Variants in KLHL4 observed in about 807,000 individuals in gnomAD.
KLHL4 encodes the protein kelch-like protein 4.
KLHL4 carries 17 observed loss-of-function variants against 45.8 expected under a neutral mutation model. That is an observed-to-expected ratio of 0.37 (90% confidence interval 0.25 to 0.56). The LOEUF is 0.56. Ranked by LOEUF, KLHL4 falls within the 20% of genes least tolerant of loss-of-function variation. KLHL4 has a pLI of 0.79. For synonymous variants in KLHL4, 224 were observed against 189.9 expected (o/e 1.18, Z -1.47); for missense variants, 544 against 544.9 (o/e 1.00, Z 0.02).
chrX:87,555,396 G>T (rs929185476), intron 1 of KLHL4, among the ~76,000 whole-genome samples: 1 of 111,088 alleles, frequency 9.0e-6, no homozygotes, highest in African/African-American at 3.3e-5. Context: ...CAATTTCAGA[G>T]CTTGTTATTG....
At chrX:87,549,998 C>T (rs2147778089) in intron 1 of KLHL4, among the ~76,000 whole-genome samples, 1 of 111,157 alleles carries the variant, frequency 9.0e-6, no homozygotes, top group South Asian at 3.7e-4. Context: ...AAGTTAAACA[C>T]AATTGACAAA....
At chrX:87,664,636 A>G (rs1363196133) in intron 9 of KLHL4, 128 bp from the exon 10 acceptor site, 2 of 456,693 alleles carry the variant, frequency 4.4e-6, no homozygotes, top group Admixed American at 4.6e-5. Context: ...TATCCAATCT[A>G]CATTTGATAT....
At chrX:87,627,330 C>T (rs984307868) in intron 6 of KLHL4, among the ~76,000 whole-genome samples, 25 of 107,406 alleles carry the variant, frequency 2.3e-4, no homozygotes, top group Non-Finnish European at 4.2e-4. Flanking sequence ...CTGTGGGTGA[C>T]GGGAAATGAG....
chrX:87,622,569 A>G, intron 5 of KLHL4, 146 bp downstream of exon 5: 1 of 390,674 alleles, frequency 2.6e-6, no homozygotes, highest in East Asian at 4.0e-5. Context: ...GAACATATTC[A>G]GCCATCAATT....
intron 1 of KLHL4, among the ~76,000 whole-genome samples, chrX:87,560,522 A>T (rs1932073232): frequency 9.0e-6 from 1 of 111,547 alleles, no homozygotes; most frequent in Non-Finnish European, 1.9e-5. Flanking sequence ...CCTTTTGTCA[A>T]CTTTAGGCAC....
At chrX:87,666,218 T>G (rs998463840) in intron 10 of KLHL4, among the ~76,000 whole-genome samples, 3 of 111,077 alleles carry the variant, frequency 2.7e-5, no homozygotes, top group Non-Finnish European at 5.7e-5. Flanking sequence ...GTGTAATTTT[T>G]CAAGTGAGAA....
At chrX:87,664,320 TAGAA>T (rs1181905927) in intron 9 of KLHL4, among the ~76,000 whole-genome samples, 1 of 111,814 alleles carries the variant, frequency 8.9e-6, no homozygotes, top group Non-Finnish European at 1.9e-5. Context: ...ACAGCAAAAA[TAGAA>T]AGGCAATTAT....
chrX:87,601,266 G>A (rs1163962338), intron 1 of KLHL4, among the ~76,000 whole-genome samples: 2 of 111,653 alleles, frequency 1.8e-5, no homozygotes. Context: ...AGTTACTTGA[G>A]AGATCCAAGT....
rs757409017 is a variant in KLHL4, at chrX:87,625,775, G to A, written c.1303G>A (p.Gly435Arg). 5 of 1,201,956 alleles carry A rather than the reference G, an allele frequency of 4.2e-6. No individual in the cohort carries two copies. Among genetic ancestry groups the A allele is most frequent in the Non-Finnish European group, 5.6e-6 (5 of 890,678 alleles). ...AACTGTGGGGGCACTTTATGCTGTA[G>A]GAGGCATGGATGCTATGAAAGGTAA... The part of the protein sequence containing the change: ...KSTVGALYAV[G>R]GMDAMKGTTT... The change falls in exon 6 of 11, where the codon GGA (glycine) becomes AGA (arginine). Residue 435 changes from glycine to arginine, a missense_variant. Gly to Arg is a moderately radical substitution (Grantham distance 125). Transcript: ENST00000373119.
chrX:87,522,526 G>A (rs1168700702), intron 1 of KLHL4, among the ~76,000 whole-genome samples: 9 of 111,435 alleles, frequency 8.1e-5, no homozygotes, highest in Non-Finnish European at 1.3e-4. Flanking sequence ...GTCTTCTTAC[G>A]AGGTGAAAAT....
intron 9 of KLHL4, among the ~76,000 whole-genome samples, chrX:87,660,711 G>A (rs1025489827): frequency 9.8e-5 from 11 of 112,238 alleles, no homozygotes; most frequent in Non-Finnish European, 1.1e-4. Context: ...GGGCATTGTC[G>A]CGCATGCCTG....
chrX:87,660,591 C>T (rs1602470643), intron 9 of KLHL4, among the ~76,000 whole-genome samples: 1 of 112,169 alleles, frequency 8.9e-6, no homozygotes, highest in Non-Finnish European at 1.9e-5. Context: ...ACACCTGTAA[C>T]GCCAACACTC....
At chrX:87,662,743 C>A (rs1463320513) in intron 9 of KLHL4, among the ~76,000 whole-genome samples, 1 of 109,927 alleles carries the variant, frequency 9.1e-6, no homozygotes, top group Non-Finnish European at 1.9e-5. Context: ...TCCTGGCTAA[C>A]ACGGTGAAAC....
chrX:87,541,568 G>C (rs1313528558), intron 1 of KLHL4, among the ~76,000 whole-genome samples: 2 of 109,070 alleles, frequency 1.8e-5, no homozygotes, highest in African/African-American at 3.3e-5. Context: ...TGTGAAGAAG[G>C]TGCTTGCTTC....
chrX:87,618,845 T>A (rs2147816426), intron 4 of KLHL4, among the ~76,000 whole-genome samples: 1 of 112,054 alleles, frequency 8.9e-6, no homozygotes, highest in African/African-American at 3.2e-5. Context: ...GTAACAAATT[T>A]TACTTTGGTT....
At chrX:87,639,373 T>C (rs896449093) in intron 9 of KLHL4, among the ~76,000 whole-genome samples, 8 of 111,486 alleles carry the variant, frequency 7.2e-5, no homozygotes, top group Admixed American at 2.9e-4. Flanking sequence ...ACATTCTACC[T>C]AACAACTGCA....
intron 9 of KLHL4, among the ~76,000 whole-genome samples, chrX:87,662,331 A>T (rs913883428): frequency 1.8e-5 from 2 of 112,057 alleles, no homozygotes; most frequent in Non-Finnish European, 3.8e-5. Context: ...ATTTTATGTG[A>T]TTCATAGATG....
At position 87,664,777 on chromosome X, in the gene KLHL4, G is replaced by A; in HGVS notation, c.1939G>A (p.Gly647Ser). The change falls in exon 10 of 11, where the codon GGT becomes AGT. Residue 647 changes from glycine (G) to serine (S), a missense_variant. Coordinates refer to ENST00000373119, the MANE Select transcript of KLHL4 (RefSeq NM_019117.5). ...AAATCCTTTAAGGTATGATCCAAAA[G>A]GTGATTCATGGTCAACTGTGGCACC... ...SDCVERYDPK[G>S]DSWSTVAPLS... The A allele has an allele frequency of 1.7e-6, 2 of 1,199,505 alleles. No homozygotes were observed. The highest frequency in any genetic ancestry group is 2.2e-6 in the Non-Finnish European group (2 of 888,952).
chrX:87,554,729 C>A (rs1229697325), intron 1 of KLHL4, among the ~76,000 whole-genome samples: 1 of 105,902 alleles, frequency 9.4e-6, no homozygotes, highest in African/African-American at 3.4e-5. Context: ...TTCCTAATTG[C>A]CCTGGCCAGA....
Sources: allele counts gnomAD v4.1 joint callset (sites outside exome capture counted in the v4.1 genomes callset), GRCh38; gene constraint gnomAD v4.1.1; transcripts MANE v1.5; gene names NCBI Gene and HGNC (gene_info 2026-07-23, HGNC 2026-07-21).